The following GNAI3 variants were observed in gnomAD, a reference collection of about 807,000 sequenced individuals.
The protein encoded by GNAI3 is G protein subunit alpha i3.
GNAI3 carries 12 observed loss-of-function variants against 41.8 expected under a neutral mutation model. That is an observed-to-expected ratio of 0.29 (90% CI 0.18 to 0.47). The LOEUF (loss-of-function observed/expected upper bound fraction) is 0.47, where lower values mean the gene tolerates loss of function less well. Among genes scored for constraint, GNAI3 ranks in the 20% least tolerant of loss-of-function variants. The pLI is 1.00. For synonymous variants in GNAI3, 132 were observed against 146.5 expected (o/e 0.90, Z 0.71); for missense variants, 360 against 429.6 (o/e 0.84, Z 1.43).
intron 1 of GNAI3, among the ~76,000 whole-genome samples, chr1:109,556,521 A>G (rs1237779828): frequency 6.6e-6 from 1 of 152,184 alleles, no homozygotes; most frequent in African/African-American, 2.4e-5. Flanking sequence ...GGAATTTTTG[A>G]AAAATCTGTT....
intron 5 of GNAI3, 126 bp from the exon 6 acceptor site, chr1:109,586,090 T>A: frequency 1.5e-6 from 1 of 681,294 alleles, no homozygotes; most frequent in Non-Finnish European, 2.3e-6. Context: ...GCATTTAATC[T>A]ATTCTTTTTC....
intron 1 of GNAI3, among the ~76,000 whole-genome samples, chr1:109,566,993 T>C (rs1648474623): frequency 6.6e-6 from 1 of 152,234 alleles, no homozygotes; most frequent in African/African-American, 2.4e-5. Context: ...TGATCTTTAG[T>C]TGTAGATACT....
rs1407471246 is a variant in GNAI3 at position 109,592,039 on chromosome 1, T to G, written c.875-4T>G. 6.3e-7 allele frequency: 1 copy of G among 1,593,482 alleles called. No individual in the cohort carries two copies. Among genetic ancestry groups the G allele is most frequent in the African/African-American group, 1.3e-5 (1 of 74,378 alleles). On this transcript the variant is annotated splice_region_variant and splice_polypyrimidine_tract_variant and intron_variant, in intron 7 of 8. Coordinates refer to ENST00000369851, the MANE Select transcript of GNAI3 (RefSeq NM_006496.4). ...GAACTGAGAGTACTGGGTGTCCGTT[T>G]TAGGTTCCAATACATATGAAGAGGC...
At chr1:109,557,223 C>T (rs1171102835) in intron 1 of GNAI3, among the ~76,000 whole-genome samples, 3 of 152,188 alleles carry the variant, frequency 2.0e-5, no homozygotes, top group African/African-American at 7.2e-5. Context: ...GTGTGAGTCA[C>T]CATGCCTCGC....
intron 1 of GNAI3, among the ~76,000 whole-genome samples, chr1:109,552,758 T>G (rs573630526): frequency 6.6e-6 from 1 of 152,246 alleles, no homozygotes; most frequent in East Asian, 1.9e-4. Context: ...CAAGAAAATT[T>G]TTTTTCACCA....
chr1:109,582,713 T>C (rs1034548471), intron 5 of GNAI3, 148 bp downstream of exon 5: 1 of 513,348 alleles, frequency 1.9e-6, no homozygotes. Context: ...ATATTTTAAC[T>C]GAATGGGGGC....
intron 1 of GNAI3, among the ~76,000 whole-genome samples, chr1:109,559,434 T>G (rs1648250221): frequency 6.6e-6 from 1 of 152,164 alleles, no homozygotes; most frequent in East Asian, 1.9e-4. Flanking sequence ...TTTCCTTTCT[T>G]TTTACCACTG....
intron 1 of GNAI3, among the ~76,000 whole-genome samples, chr1:109,552,858 T>C (rs1648026779): frequency 6.6e-6 from 1 of 152,174 alleles, no homozygotes; most frequent in Non-Finnish European, 1.5e-5. Context: ...GTATAATGGA[T>C]AAGAGCACTG....
chr1:109,559,376 G>A (rs1466636503), intron 1 of GNAI3, among the ~76,000 whole-genome samples: 2 of 152,066 alleles, frequency 1.3e-5, no homozygotes, highest in Non-Finnish European at 2.9e-5. Context: ...TTAATACAGG[G>A]CAAAGAGAAT....
At position 109,592,887 on chromosome 1, in the gene GNAI3, C is replaced by T. The variant is rs1649205554; in HGVS notation, c.*565C>T. The stretch of plus-strand genomic sequence containing the variant: ...CTTCCATAATTACTTATAATTCTTT[C>T]CGGTTACTGGGGCTATAAATACAAC... On this transcript the variant is annotated 3_prime_UTR_variant, in exon 9 of 9. Coordinates refer to ENST00000369851, the MANE Select transcript of GNAI3 (RefSeq NM_006496.4). 1 of 152,534 alleles carries T rather than the reference C, an allele frequency of 6.6e-6. No homozygotes were observed. Among genetic ancestry groups the T allele is most frequent in the South Asian group, 2.1e-4 (1 of 4,822 alleles). 9.4% of individuals were successfully genotyped at this position (152,534 alleles called of 1,614,324 possible).
intron 1 of GNAI3, among the ~76,000 whole-genome samples, chr1:109,563,918 C>T (rs1648381827): frequency 6.6e-6 from 1 of 152,086 alleles, no homozygotes; most frequent in South Asian, 2.1e-4. Context: ...TTTTGTTACA[C>T]ATATGCTATA....
intron 1 of GNAI3, among the ~76,000 whole-genome samples, chr1:109,562,813 A>C (rs891878652): frequency 2.0e-5 from 3 of 152,164 alleles, no homozygotes; most frequent in East Asian, 3.8e-4. Flanking sequence ...TTTAAATCCC[A>C]AAATTTTACA....
intron 3 of GNAI3, 54 bp from the exon 4 acceptor site, chr1:109,579,150 C>T: frequency 7.1e-7 from 1 of 1,416,146 alleles, no homozygotes; most frequent in Non-Finnish European, 9.7e-7. Context: ...AGACTGTCAT[C>T]AAGTCTTAAA....
At chr1:109,560,604 A>G (rs1181422081) in intron 1 of GNAI3, among the ~76,000 whole-genome samples, 5 of 152,158 alleles carry the variant, frequency 3.3e-5, no homozygotes, top group African/African-American at 4.8e-5. Flanking sequence ...TGTCTCTTAA[A>G]AAAAATCATT....
chr1:109,559,448 G>A (rs564906847), intron 1 of GNAI3, among the ~76,000 whole-genome samples: 2 of 152,222 alleles, frequency 1.3e-5, no homozygotes, highest in East Asian at 1.9e-4. Context: ...ACCACTGAGG[G>A]ATTTAAATTG....
intron 1 of GNAI3, among the ~76,000 whole-genome samples, chr1:109,573,244 G>T (rs903942251): frequency 6.6e-6 from 1 of 152,130 alleles, no homozygotes; most frequent in Non-Finnish European, 1.5e-5. Context: ...CATATGGTGA[G>T]AAATTGATAG....
chr1:109,558,355 G>A (rs1571148136), intron 1 of GNAI3, among the ~76,000 whole-genome samples: 1 of 152,022 alleles, frequency 6.6e-6, no homozygotes, highest in Admixed American at 6.5e-5. Context: ...CCTGGGAGGC[G>A]GACGTTGCAG....
At chr1:109,550,530 G>GTT (rs34441758) in intron 1 of GNAI3, among the ~76,000 whole-genome samples, 1 of 150,888 alleles carries the variant, frequency 6.6e-6, no homozygotes, top group African/African-American at 2.4e-5. Flanking sequence ...AACATTCAGG[G>GTT]CGTTAACTTT....
At chr1:109,586,370 G>C in intron 6 of GNAI3, 25 bp downstream of exon 6, 1 of 1,602,012 alleles carries the variant, frequency 6.2e-7, no homozygotes, top group African/African-American at 1.3e-5. Flanking sequence ...CTGGTAAAAA[G>C]CCTGTCTAAT....
Sources: gnomAD v4.1 joint callset for allele counts (sites outside exome capture counted in the v4.1 genomes callset) on GRCh38, gnomAD v4.1.1 for gene constraint, MANE v1.5 for transcripts, NCBI Gene and HGNC (gene_info 2026-07-23, HGNC 2026-07-21) for gene names.